Variants in COL12A1 observed in about 807,000 individuals in gnomAD.
COL12A1 encodes collagen alpha-1(XII) chain.
In COL12A1, 114 loss-of-function variants were observed where a neutral mutation model predicts 349.7. The observed-to-expected ratio is 0.33, with a 90% CI of 0.28 to 0.38. COL12A1 has a LOEUF of 0.38. COL12A1 is among the 10% of genes least tolerant of loss of function. The pLI, the probability that COL12A1 is intolerant of heterozygous loss-of-function variation, is 1.00. For synonymous variants in COL12A1, 1,369 were observed against 1,329.0 expected (o/e 1.03, Z -0.66); for missense variants, 3,284 against 3,756.9 (o/e 0.87, Z 3.29).
intron 13 of COL12A1, among the ~76,000 whole-genome samples, chr6:75,171,795 A>G (rs1383209870): frequency 3.9e-5 from 6 of 152,238 alleles, no homozygotes; most frequent in Admixed American, 1.3e-4. Flanking sequence ...AAATGGAATA[A>G]CCAGGGGCAA....
intron 25 of COL12A1, among the ~76,000 whole-genome samples, 189 bp from the exon 26 acceptor site, chr6:75,143,577 T>C (rs1050962281): frequency 6.6e-6 from 1 of 152,200 alleles, no homozygotes; most frequent in African/African-American, 2.4e-5. Context: ...TTAAGAAGGT[T>C]TTTCAAAAAT....
At position 75,130,960 on chromosome 6, in the gene COL12A1, G is replaced by A. The variant is rs200870100; in HGVS notation, c.5959C>T (p.Arg1987Cys). 39 of 1,614,088 alleles carry A rather than the reference G, an allele frequency of 2.4e-5. No homozygotes were observed. Among genetic ancestry groups the A allele is most frequent in the African/African-American group, 1.7e-4 (13 of 75,016 alleles). ...ATCAGCCGCTCCAGATGCACCATGC[G>A]CGTGTTTCCTGGCACTACTATCTGC... ...SESIVVPGNT[R>C]MVHLERLIPD... Residue 1987 changes from arginine (R) to cysteine (C), a missense_variant, in exon 36 of 66, where the codon CGC becomes TGC. Around this residue, in one of 2 missense-constraint regions of COL12A1, gnomAD observed 2,601 missense variants for 2,824.8 expected, o/e 0.92. Coordinates refer to ENST00000322507, the MANE Select transcript of COL12A1 (RefSeq NM_004370.6).
chr6:75,169,388 G>T (rs1335330171), intron 13 of COL12A1, among the ~76,000 whole-genome samples: 1 of 152,160 alleles, frequency 6.6e-6, no homozygotes, highest in African/African-American at 2.4e-5. Context: ...CTATCTCTAG[G>T]AGAGGTTACT....
chr6:75,172,797 G>A lies in COL12A1; in HGVS notation c.2710+2241C>T, dbSNP rs537321195. Among the ~76,000 whole-genome samples the A allele has an allele frequency of 5.0e-4, 76 of 152,248 alleles. 3 individuals carry two copies. In the South Asian group the frequency reaches 0.015, roughly 30 times the overall value. Reference sequence around the variant, plus strand: ...GCTATACAGTTGACAGCATGGGTTTGCACTGTGAAGGTCCACTTATATGCA... The same window carrying A: ...GCTATACAGTTGACAGCATGGGTTTACACTGTGAAGGTCCACTTATATGCA... On this transcript the variant is annotated intron_variant, in intron 13 of 65. Coordinates refer to ENST00000322507, the MANE Select transcript of COL12A1 (RefSeq NM_004370.6).
chr6:75,101,746 C>T (rs1768316100), intron 57 of COL12A1, 93 bp from the exon 58 acceptor site: 5 of 1,384,172 alleles, frequency 3.6e-6, no homozygotes, highest in Non-Finnish European at 5.0e-6. Context: ...TTTTTAATTC[C>T]AGAGACTCTG....
At chr6:75,176,258 G>T (rs1158775856) in intron 12 of COL12A1, among the ~76,000 whole-genome samples, 1 of 152,042 alleles carries the variant, frequency 6.6e-6, no homozygotes, top group Admixed American at 6.6e-5. Flanking sequence ...ATGGGCAGTG[G>T]GAGCGTGATG....
rs1319193485 is a variant in COL12A1, at chr6:75,124,042, G to A, written c.6777C>T (p.Phe2259=). Residue 2259 remains phenylalanine (F), a synonymous_variant, in exon 42 of 66, where the codon TTC becomes TTT. Coordinates refer to ENST00000322507, the MANE Select transcript of COL12A1 (RefSeq NM_004370.6). ...AATCAGTGTCTGGTGAAAGGCCAGT[G>A]AAGCAGTGACTGGTTTCTGATCCAC... ...TVRGSETSHC[F]TGLSPDTDYG... 6.2e-7 allele frequency: 1 copy of A among 1,613,968 alleles called. No homozygotes were observed. Among genetic ancestry groups the A allele is most frequent in the African/African-American group, 1.3e-5 (1 of 75,040 alleles).
chr6:75,136,825 G>A (rs1766630809), intron 31 of COL12A1, among the ~76,000 whole-genome samples: 1 of 152,104 alleles, frequency 6.6e-6, no homozygotes, highest in Non-Finnish European at 1.5e-5. Flanking sequence ...GAGGTAAAAT[G>A]GACAAAGGTT....
At chr6:75,199,156 CACAA>C (rs1438637503) in intron 2 of COL12A1, among the ~76,000 whole-genome samples, 2 of 152,156 alleles carry the variant, frequency 1.3e-5, no homozygotes, top group East Asian at 1.9e-4. Context: ...AGTTGTCAAG[CACAA>C]ACAAAGCACA....
At chr6:75,092,277 T>A (rs1767807788) in intron 60 of COL12A1, among the ~76,000 whole-genome samples, 2 of 152,062 alleles carry the variant, frequency 1.3e-5, no homozygotes. Flanking sequence ...CAAACCACCA[T>A]AGCACGTGTA....
At chr6:75,129,123 T>C (rs1437851303) in intron 37 of COL12A1, among the ~76,000 whole-genome samples, 1 of 152,208 alleles carries the variant, frequency 6.6e-6, no homozygotes, top group African/African-American at 2.4e-5. Context: ...TAAAGGGAAA[T>C]TGCATATTTG....
intron 13 of COL12A1, among the ~76,000 whole-genome samples, chr6:75,166,260 C>T (rs1335174687): frequency 6.6e-6 from 1 of 152,138 alleles, no homozygotes; most frequent in Non-Finnish European, 1.5e-5. Flanking sequence ...CTGCAACAAT[C>T]TCATATCACT....
In COL12A1 at chr6:75,126,502, C is replaced by T. The variant is rs757312117; in HGVS notation, c.6341-32G>A. ...ACAAACATTGACACACATTACTGAC[C>T]TTTTATTGGCACACAGGGAGAGCAC... On this transcript the variant is annotated intron_variant, in intron 38 of 65. Transcript: ENST00000322507. 10 of 1,594,346 alleles carry T rather than the reference C, an allele frequency of 6.3e-6. No homozygotes were observed. The South Asian group carries it at 1.1e-4, about 18-fold the overall frequency.
intron 46 of COL12A1, among the ~76,000 whole-genome samples, chr6:75,117,948 T>C (rs918277373): frequency 2.0e-5 from 3 of 152,148 alleles, no homozygotes; most frequent in Non-Finnish European, 4.4e-5. Flanking sequence ...TGAAACTGAT[T>C]TTCTCAGGAA....
intron 25 of COL12A1, 103 bp from the exon 26 acceptor site, chr6:75,143,491 T>G: frequency 7.6e-7 from 1 of 1,315,800 alleles, no homozygotes; most frequent in Non-Finnish European, 1.0e-6. Flanking sequence ...AATTTAAAGG[T>G]GTTTGGCAAA....
Position 75,151,286 on chromosome 6 carries a change from A to G in COL12A1, c.4002T>C (p.Gly1334=), listed in dbSNP as rs1425739513. The G allele has an allele frequency of 6.2e-7, 1 of 1,612,430 alleles. No homozygotes were observed. Among genetic ancestry groups the G allele is most frequent in the African/African-American group, 1.3e-5 (1 of 74,956 alleles). The change falls in exon 21 of 66, where the codon GGT becomes GGC. Residue 1334 remains glycine (G), a splice_region_variant and synonymous_variant. Coordinates refer to ENST00000322507, the MANE Select transcript of COL12A1 (RefSeq NM_004370.6). ...ATTCGACTTCATCAGCATTTTTAAT[A>G]CCTTCAAAAACGGATATATACAAAT... ...KDEGVELFAI[G]IKNADEVELK... is the part of the protein sequence containing the mutation.
intron 55 of COL12A1, among the ~76,000 whole-genome samples, chr6:75,103,165 A>G (rs1410274296): frequency 3.3e-5 from 5 of 152,226 alleles, no homozygotes; most frequent in African/African-American, 9.6e-5. Flanking sequence ...CTAGATGGAA[A>G]AGGCACAACC....
Position 75,141,676 on chromosome 6 carries a change from C to A in COL12A1, c.4957+356G>T, listed in dbSNP as rs542738965. On this transcript the variant is annotated intron_variant, in intron 27 of 65. Transcript: ENST00000322507. ...ACACTTCACGTATAGTAAAATACCC[C>A]AAAAAATTATAAATAATGCATCTTT... Among the ~76,000 whole-genome samples the A allele has an allele frequency of 5.4e-4, 82 of 152,218 alleles. 1 individual carries two copies. In the South Asian group the frequency reaches 0.016, roughly 29 times the overall value.
rs201266825 is a variant in COL12A1 at position 75,181,207 on chromosome 6, G to A, written c.1896C>T (p.Tyr632=). 345 of 1,497,786 alleles carry A rather than the reference G, an allele frequency of 2.3e-4. 1 individual carries two copies. The African/African-American group carries it at 3.4e-3, about 15-fold the overall frequency. The allele number at this position is 1,497,786 out of a possible 1,614,324, so 92.8% of individuals were successfully genotyped here. ...QELAAIKKKA[Y]VPPKDLSFSE... is the part of the protein sequence containing the mutation. ...AAAAACTAAGATCCTTTGGAGGGACGTAAGCTATTTAAAAAAAAAAAAAGA... is the reference window on the plus strand; with the variant it reads ...AAAAACTAAGATCCTTTGGAGGGACATAAGCTATTTAAAAAAAAAAAAAGA... The change falls in exon 11 of 66, where the codon TAC becomes TAT. Residue 632 remains tyrosine, a synonymous_variant. Coordinates refer to ENST00000322507, the MANE Select transcript of COL12A1 (RefSeq NM_004370.6).
Sources: allele counts gnomAD v4.1 joint callset (sites outside exome capture counted in the v4.1 genomes callset), GRCh38; gene constraint gnomAD v4.1.1; regional missense constraint gnomAD v4.1.1; transcripts MANE v1.5; gene names NCBI Gene and HGNC (gene_info 2026-07-23, HGNC 2026-07-21).